Variants in SIN3B observed in about 807,000 individuals in gnomAD.
The protein encoded by SIN3B is paired amphipathic helix protein Sin3b.
In SIN3B, 19 loss-of-function variants were observed where a neutral mutation model predicts 120.2. The ratio of observed to expected loss-of-function variants is 0.16; its 90% CI spans 0.11 to 0.23. SIN3B has a LOEUF of 0.23. SIN3B is among the 10% of genes least tolerant of loss of function. The probability of loss-of-function intolerance (pLI) is 1.00; values close to 1 mark genes in which losing one functional copy is unlikely to be tolerated. For missense variants in SIN3B, 1,073 were observed against 1,573.0 expected (o/e 0.68, Z 5.38); for synonymous variants, 654 against 653.2 (o/e 1.00, Z -0.02).
intron 4 of SIN3B, among the ~76,000 whole-genome samples, chr19:16,844,430 A>G (rs1465572435): frequency 5.3e-5 from 8 of 152,166 alleles, no homozygotes; most frequent in Admixed American, 6.5e-5. Flanking sequence ...GGTGCCAATG[A>G]GCCTGGGTTC....
intron 5 of SIN3B, 114 bp from the exon 6 acceptor site, chr19:16,851,298 C>A: frequency 1.5e-6 from 2 of 1,297,440 alleles, no homozygotes; most frequent in Non-Finnish European, 2.1e-6. Context: ...GCCTGGTGCC[C>A]GTGGCCACCA....
intron 10 of SIN3B, among the ~76,000 whole-genome samples, chr19:16,864,569 C>T (rs1052394192): frequency 7.2e-5 from 11 of 151,760 alleles, no homozygotes; most frequent in Non-Finnish European, 1.2e-4. Context: ...TGGCCTCAAG[C>T]GATCCTCCCA....
intron 5 of SIN3B, among the ~76,000 whole-genome samples, chr19:16,848,845 C>T (rs1370990346): frequency 6.6e-6 from 1 of 152,134 alleles, no homozygotes; most frequent in Non-Finnish European, 1.5e-5. Flanking sequence ...ACAATGTTGT[C>T]CAGGTTGGTC....
intron 13 of SIN3B, among the ~76,000 whole-genome samples, chr19:16,870,497 G>A (rs2051496617): frequency 6.6e-6 from 1 of 151,428 alleles, no homozygotes; most frequent in African/African-American, 2.4e-5. Context: ...TGATTCTCCT[G>A]CCTTAGCCTC....
At chr19:16,850,998 T>A (rs1971537390) in intron 5 of SIN3B, among the ~76,000 whole-genome samples, 1 of 152,170 alleles carries the variant, frequency 6.6e-6, no homozygotes, top group Non-Finnish European at 1.5e-5. Context: ...CTGGCAAACA[T>A]CAGCCACTTC....
chr19:16,834,349 A>C (rs1017073343), intron 3 of SIN3B, among the ~76,000 whole-genome samples: 1 of 152,218 alleles, frequency 6.6e-6, no homozygotes, highest in Non-Finnish European at 1.5e-5. Flanking sequence ...GCCTTTCAGC[A>C]GAGTCCCTGC....
chr19:16,862,738 T>G lies in SIN3B; in HGVS notation c.1266+179T>G. 1 of 961,742 alleles carries G rather than the reference T, an allele frequency of 1.0e-6. No homozygotes were observed. Among genetic ancestry groups the G allele is most frequent in the Non-Finnish European group, 1.6e-6 (1 of 607,694 alleles). The allele number at this position is 961,742 out of a possible 1,614,324, so 59.6% of individuals were successfully genotyped here. A position where few individuals can be genotyped will look rare whatever the true frequency, so the allele number is the denominator to read the frequency against. ...ACCACCTGAGCAGAGACAACAGTGTTGTACCCTGCTGGTAGTTTTGGCAAA... is the reference window on the plus strand; with the variant it reads ...ACCACCTGAGCAGAGACAACAGTGTGGTACCCTGCTGGTAGTTTTGGCAAA... On this transcript the variant is annotated intron_variant, in intron 9 of 18. Transcript: ENST00000248054. The surrounding 1 kb of genome is among the most constrained non-coding windows in gnomAD (Gnocchi z 4.7).
Position 16,841,776 on chromosome 19 carries a change from G to T in SIN3B, c.390G>T (p.Ser130=), listed in dbSNP as rs755109081. Residue 130 remains serine, a synonymous_variant, in exon 4 of 19, where the codon TCG becomes TCT. Coordinates refer to ENST00000248054, the MANE Select transcript of SIN3B (RefSeq NM_001297595.2). ...CATTGTCGCCTTGTCAGGAGAATTCGCACAACCACGGGGACGGTGCAGAGG... is the reference window on the plus strand; with the variant it reads ...CATTGTCGCCTTGTCAGGAGAATTCTCACAACCACGGGGACGGTGCAGAGG... ...IQSPLTSQEN[S]HNHGDGAEDF... 2 of 1,613,578 alleles carry T rather than the reference G, an allele frequency of 1.2e-6. No individual in the cohort carries two copies. The highest frequency in any genetic ancestry group is 1.7e-6 in the Non-Finnish European group (2 of 1,179,810).
rs146281121 is a variant in SIN3B, at chr19:16,834,321, G to A, written c.381+2674G>A. On this transcript the variant is annotated intron_variant, in intron 3 of 18. Transcript: ENST00000248054. ...CAGAGTGAAAAGATGTGAACTGTGC[G>A]TCCTGCATGTGGAAATTGCCTTTCA... 1.6e-4 allele frequency among the ~76,000 whole-genome samples: 25 copies of A among 152,290 alleles called. No individual in the cohort carries two copies. The Middle Eastern group carries it at 0.01, about 63-fold the overall frequency.
Position 16,862,859 on chromosome 19 carries a change from C to CT in SIN3B, c.1266+301dup. The CT allele has an allele frequency of 6.3e-7, 1 of 1,582,996 alleles. No homozygotes were observed. The highest frequency in any genetic ancestry group is 8.7e-7 in the Non-Finnish European group (1 of 1,151,658). ...ATGATTCTGCTCTGTCCCGGGCTCA[C>CT]TGACCTCAGTGTGTTTCTGTTTAGC... On this transcript the variant is annotated intron_variant, in intron 9 of 18. Coordinates refer to ENST00000248054, the MANE Select transcript of SIN3B (RefSeq NM_001297595.2). This position sits in a 1 kb window ranked among gnomAD's most constrained non-coding sequence, Gnocchi z 4.7.
intron 4 of SIN3B, among the ~76,000 whole-genome samples, chr19:16,845,616 G>A (rs771324891): frequency 4.6e-5 from 7 of 152,164 alleles, no homozygotes; most frequent in South Asian, 2.1e-4. Flanking sequence ...CACCCTCATC[G>A]GAAATCCTAG....
In SIN3B at chr19:16,865,747, C is replaced by T. The variant is rs114228128; in HGVS notation, c.1622+99C>T. 141 of 820,824 alleles carry T rather than the reference C, an allele frequency of 1.7e-4. No individual in the cohort carries two copies. The African/African-American group carries it at 1.9e-3, about 11-fold the overall frequency. The allele number at this position is 820,824 out of a possible 1,614,324, so 50.8% of individuals were successfully genotyped here. A position where few individuals can be genotyped will look rare whatever the true frequency, so the allele number is the denominator to read the frequency against. ...CACTGCAGGGAGCCCTTGGAGAGCT[C>T]ATTAGTGCTGTTTGTCAACAGGTGT... On this transcript the variant is annotated intron_variant, in intron 11 of 18. Transcript: ENST00000248054.
intron 3 of SIN3B, among the ~76,000 whole-genome samples, chr19:16,834,098 C>T (rs1971314683): frequency 6.6e-6 from 1 of 152,072 alleles, no homozygotes; most frequent in Admixed American, 6.6e-5. Flanking sequence ...TTCCTGTTTG[C>T]AAATGAAGCC....
intron 17 of SIN3B, 62 bp from the exon 18 acceptor site, chr19:16,878,121 C>G: frequency 7.2e-7 from 1 of 1,396,364 alleles, no homozygotes; most frequent in East Asian, 2.5e-5. Flanking sequence ...GTTTCCCAGC[C>G]TGCAAATCCT....
intron 8 of SIN3B, 156 bp downstream of exon 8, chr19:16,854,417 T>TGGGAATCAATAA: frequency 1.7e-6 from 1 of 594,892 alleles, no homozygotes; most frequent in Non-Finnish European, 2.9e-6. Context: ...TTCCCATGCA[T>TGGGAATCAATAA]TTGTAAGGAG....
chr19:16,849,757 A>C (rs1001725167), intron 5 of SIN3B, among the ~76,000 whole-genome samples: 12 of 152,172 alleles, frequency 7.9e-5, no homozygotes, highest in African/African-American at 2.2e-4. Flanking sequence ...ATGGTCGCCC[A>C]GCTGCATCTT....
rs186239410 is a variant in SIN3B at position 16,839,883 on chromosome 19, G to A, written c.382-1885G>A. Among the ~76,000 whole-genome samples the A allele has an allele frequency of 2.9e-3, 444 of 152,188 alleles. 4 individuals carry two copies. The highest frequency in any genetic ancestry group is 9.5e-3 in the African/African-American group (396 of 41,512). On this transcript the variant is annotated intron_variant, in intron 3 of 18. Coordinates refer to ENST00000248054, the MANE Select transcript of SIN3B (RefSeq NM_001297595.2). ...AATAGAAAAATTAGCCAGCGTGGTC[G>A]CACGGCACCTGTGATCCCAGCTACT...
At chr19:16,857,553 G>GTGTGTA (rs66778532) in intron 8 of SIN3B, among the ~76,000 whole-genome samples, 14,710 of 139,360 alleles carry the variant, frequency 0.11, 817 homozygotes, top group East Asian at 0.2. Flanking sequence ...GTGTGTGTGT[G>GTGTGTA]TATATATACA....
intron 16 of SIN3B, chr19:16,877,311 C>T (rs1423021761): frequency 2.5e-5 from 13 of 526,240 alleles, no homozygotes; most frequent in South Asian, 7.4e-5. Flanking sequence ...GGGCTTCTGG[C>T]GCTCCTCAGC....
Sources: allele counts gnomAD v4.1 joint callset (sites outside exome capture counted in the v4.1 genomes callset), GRCh38; gene constraint gnomAD v4.1.1; non-coding constraint Gnocchi (gnomAD v3.1); transcripts MANE v1.5; gene names NCBI Gene and HGNC (gene_info 2026-07-23, HGNC 2026-07-21).